WFDC10B: variants seen among roughly 807,000 people sequenced by gnomAD.
WFDC10B encodes the protein protein WFDC10B.
In WFDC10B, 1 loss-of-function variant was observed where a neutral mutation model predicts 2.7. The ratio of observed to expected loss-of-function variants is 0.38; its 90% CI spans 0.13 to 1.79. WFDC10B has a LOEUF of 1.79. Ranked by LOEUF, WFDC10B falls within the 40% of genes most tolerant of loss-of-function variation. The probability of loss-of-function intolerance (pLI) is 0.33; values close to 1 mark genes in which losing one functional copy is unlikely to be tolerated. For missense variants in WFDC10B, 71 were observed against 87.8 expected, an observed-to-expected ratio of 0.81 and a Z score of 0.76; for synonymous variants, 26 against 32.2, an observed-to-expected ratio of 0.81 and a Z score of 0.65.
intron 2 of WFDC10B, among the ~76,000 whole-genome samples, chr20:45,689,881 G>C (rs1317499133): frequency 5.3e-5 from 8 of 152,108 alleles, no homozygotes; most frequent in Non-Finnish European, 1.2e-4. Flanking sequence ...ACACTATGTT[G>C]AATAGGAGTG....
At chr20:45,686,530 T>C (rs1021814489) in intron 2 of WFDC10B, among the ~76,000 whole-genome samples, 17 of 136,722 alleles carry the variant, frequency 1.2e-4, no homozygotes, top group African/African-American at 4.9e-4. Flanking sequence ...AGAAAAGACA[T>C]AATTTTTTTG....
intron 2 of WFDC10B, 119 bp downstream of exon 2, chr20:45,704,378 T>A: frequency 6.5e-7 from 1 of 1,542,548 alleles, no homozygotes; most frequent in Non-Finnish European, 8.7e-7. Context: ...TCCCTGGGCT[T>A]TCTGAGTTCT....
Position 45,704,571 on chromosome 20 carries a change from A to G in WFDC10B, c.-129-10T>C. ...CCTTCTGTGGGATAGTCTGTTCATCAGAAACATTTCAAAAGCGCAACAGGT... is the reference window on the plus strand; with the variant it reads ...CCTTCTGTGGGATAGTCTGTTCATCGGAAACATTTCAAAAGCGCAACAGGT... On this transcript the variant is annotated splice_polypyrimidine_tract_variant and intron_variant, in intron 1 of 3. Coordinates refer to ENST00000330523, the MANE Select transcript of WFDC10B (RefSeq NM_172006.2). 6.2e-7 allele frequency: 1 copy of G among 1,614,178 alleles called. No individual in the cohort carries two copies. Among genetic ancestry groups the G allele is most frequent in the Non-Finnish European group, 8.5e-7 (1 of 1,180,028 alleles).
At chr20:45,692,278 T>G (rs1983837486) in intron 2 of WFDC10B, among the ~76,000 whole-genome samples, 1 of 152,040 alleles carries the variant, frequency 6.6e-6, no homozygotes, top group Non-Finnish European at 1.5e-5. Context: ...ATTTTTTCCT[T>G]GATTTCAACT....
chr20:45,691,804 G>A (rs1983821699), intron 2 of WFDC10B, among the ~76,000 whole-genome samples: 1 of 152,180 alleles, frequency 6.6e-6, no homozygotes, highest in African/African-American at 2.4e-5. Flanking sequence ...TTGCCAGTCT[G>A]TGTCTTTTAA....
At chr20:45,693,677 C>T (rs1025867778) in intron 2 of WFDC10B, among the ~76,000 whole-genome samples, 4 of 152,172 alleles carry the variant, frequency 2.6e-5, no homozygotes, top group South Asian at 2.1e-4. Flanking sequence ...TTAAGCCTGT[C>T]GGAAAAGCAC....
chr20:45,699,163 G>C (rs67538107), intron 2 of WFDC10B, among the ~76,000 whole-genome samples: 1 of 152,014 alleles, frequency 6.6e-6, no homozygotes, highest in African/African-American at 2.4e-5. Flanking sequence ...TGGAACCCTC[G>C]TGCATAGCTG....
At chr20:45,692,185 G>T (rs553060657) in intron 2 of WFDC10B, among the ~76,000 whole-genome samples, 1 of 152,296 alleles carries the variant, frequency 6.6e-6, no homozygotes, top group African/African-American at 2.4e-5. Context: ...CTGGCTTGTA[G>T]AGTTTCTGCC....
intron 2 of WFDC10B, among the ~76,000 whole-genome samples, chr20:45,698,520 A>T (rs1175749033): frequency 6.6e-6 from 1 of 152,040 alleles, no homozygotes; most frequent in Non-Finnish European, 1.5e-5. Flanking sequence ...TATTTGAAAA[A>T]ATCATCTATC....
intron 3 of WFDC10B, 100 bp from the exon 4 acceptor site, chr20:45,685,060 G>T (rs936582456): frequency 6.7e-7 from 1 of 1,495,396 alleles, no homozygotes; most frequent in African/African-American, 1.4e-5. Context: ...AGGCACCCCT[G>T]CCACCACGAC....
At chr20:45,697,137 A>G (rs1332836120) in intron 2 of WFDC10B, among the ~76,000 whole-genome samples, 3 of 152,230 alleles carry the variant, frequency 2.0e-5, no homozygotes, top group Admixed American at 6.5e-5. Flanking sequence ...AGTAATAAAA[A>G]GAAATAAAAG....
intron 2 of WFDC10B, among the ~76,000 whole-genome samples, chr20:45,691,744 A>G (rs1983820265): frequency 6.6e-6 from 1 of 152,024 alleles, no homozygotes; most frequent in Admixed American, 6.5e-5. Flanking sequence ...TGCATGTGAG[A>G]TGGGTGTCCT....
chr20:45,696,570 A>T (rs1983985997), intron 2 of WFDC10B, among the ~76,000 whole-genome samples: 1 of 152,156 alleles, frequency 6.6e-6, no homozygotes, highest in South Asian at 2.1e-4. Context: ...AGAGTGGGAC[A>T]TCACCACCAA....
chr20:45,699,039 C>G (rs1984066631), intron 2 of WFDC10B, among the ~76,000 whole-genome samples: 1 of 151,332 alleles, frequency 6.6e-6, no homozygotes, highest in African/African-American at 2.4e-5. Context: ...TGCTCAACAT[C>G]ATTAGTTATT....
intron 2 of WFDC10B, among the ~76,000 whole-genome samples, chr20:45,703,284 T>C (rs913328211): frequency 4.7e-4 from 72 of 152,292 alleles, no homozygotes; most frequent in African/African-American, 1.7e-3. Context: ...CAGTGAGCTA[T>C]AGAATAGCTG....
intron 2 of WFDC10B, among the ~76,000 whole-genome samples, chr20:45,699,008 G>GGAGGGC (rs1984065586): frequency 6.7e-6 from 1 of 149,082 alleles, no homozygotes; most frequent in Admixed American, 6.7e-5. Flanking sequence ...AGGGGGAGGG[G>GGAGGGC]GAAGAAGAAG....
At chr20:45,688,855 T>C (rs1459017198) in intron 2 of WFDC10B, among the ~76,000 whole-genome samples, 3 of 152,182 alleles carry the variant, frequency 2.0e-5, no homozygotes, top group Non-Finnish European at 4.4e-5. Context: ...TTAGATCCCA[T>C]TTGTCAATTT....
Position 45,704,924 on chromosome 20 carries a change from G to A in WFDC10B, c.-136C>T. The A allele has an allele frequency of 1.9e-6, 3 of 1,613,996 alleles. No individual in the cohort carries two copies. Among genetic ancestry groups the A allele is most frequent in the Non-Finnish European group, 2.5e-6 (3 of 1,179,944 alleles). ...TATCCCAGGGACACTGTACCTGCAG[G>A]TGTAACCAAAATCCCAAAGCAAAAT... On this transcript the variant is annotated 5_prime_UTR_variant, in exon 1 of 4. Transcript: ENST00000330523.
intron 2 of WFDC10B, among the ~76,000 whole-genome samples, chr20:45,692,521 G>A: frequency 6.6e-6 from 1 of 152,142 alleles, no homozygotes; most frequent in Non-Finnish European, 1.5e-5. Context: ...ATTTCTTGGA[G>A]GCTTTGTTCA....
Sources: gnomAD v4.1 joint callset for allele counts (sites outside exome capture counted in the v4.1 genomes callset) on GRCh38, gnomAD v4.1.1 for gene constraint, MANE v1.5 for transcripts, NCBI Gene and HGNC (gene_info 2026-07-23, HGNC 2026-07-21) for gene names.